The following ADAMTS6 variants were observed in gnomAD, a reference collection of about 807,000 sequenced individuals.
The protein encoded by ADAMTS6 is ADAM metallopeptidase with thrombospondin type 1 motif 6, also known as A disintegrin and metalloproteinase with thrombospondin motifs 6.
Under a neutral mutation model 144.3 loss-of-function variants are expected in ADAMTS6, and 23 were observed. The ratio of observed to expected loss-of-function variants is 0.16; its 90% confidence interval spans 0.11 to 0.23. The LOEUF is 0.23. ADAMTS6 is among the 10% of genes least tolerant of loss of function. ADAMTS6 has a pLI of 1.00. For missense variants in ADAMTS6, 999 were observed against 1,379.6 expected (o/e 0.72, Z 4.37); for synonymous variants, 444 against 457.5 (o/e 0.97, Z 0.38).
At chr5:65,372,552 GCTAA>G (rs1352011047) in intron 7 of ADAMTS6, among the ~76,000 whole-genome samples, 1 of 151,848 alleles carries the variant, frequency 6.6e-6, no homozygotes, top group African/African-American at 2.4e-5. Flanking sequence ...AACAAGAAGA[GCTAA>G]CTATCCTAAA....
chr5:65,291,064 A>T (rs1742254510), intron 11 of ADAMTS6, among the ~76,000 whole-genome samples: 1 of 152,234 alleles, frequency 6.6e-6, no homozygotes. Flanking sequence ...CATAAATTCA[A>T]GATTTAAAGA....
At chr5:65,371,479 A>C (rs1430447228) in intron 7 of ADAMTS6, among the ~76,000 whole-genome samples, 2 of 152,170 alleles carry the variant, frequency 1.3e-5, no homozygotes, top group African/African-American at 4.8e-5. Context: ...AGAATGCAGA[A>C]GCCTCAGGAG....
intron 7 of ADAMTS6, among the ~76,000 whole-genome samples, chr5:65,361,293 T>C (rs1374076584): frequency 6.6e-6 from 1 of 152,210 alleles, no homozygotes; most frequent in Admixed American, 6.5e-5. Context: ...AAAATTCCAC[T>C]TTATAAGATG....
At chr5:65,384,175 C>T (rs1049479333) in intron 7 of ADAMTS6, among the ~76,000 whole-genome samples, 9 of 152,218 alleles carry the variant, frequency 5.9e-5, no homozygotes, top group Non-Finnish European at 8.8e-5. Flanking sequence ...CCTTATCAAA[C>T]GTTTGATGGG....
At chr5:65,381,699 A>G (rs16893757) in intron 7 of ADAMTS6, among the ~76,000 whole-genome samples, 8,804 of 151,876 alleles carry the variant, frequency 0.058, 336 homozygotes, top group East Asian at 0.11. Flanking sequence ...GGATTATACC[A>G]TTTTTGTTGC....
chr5:65,235,380 AG>A (rs1758587518), intron 15 of ADAMTS6, among the ~76,000 whole-genome samples: 1 of 152,186 alleles, frequency 6.6e-6, no homozygotes, highest in Non-Finnish European at 1.5e-5. Flanking sequence ...GGGGAAAGAA[AG>A]GTAAGGCTGT....
chr5:65,323,135 C>CT (rs1706705981), intron 9 of ADAMTS6, among the ~76,000 whole-genome samples: 1 of 151,936 alleles, frequency 6.6e-6, no homozygotes, highest in South Asian at 2.1e-4. Context: ...TGTTATTATA[C>CT]TTTAAGTTTT....
chr5:65,290,232 A>G (rs559776098), intron 11 of ADAMTS6, among the ~76,000 whole-genome samples: 47 of 152,332 alleles, frequency 3.1e-4, no homozygotes, highest in African/African-American at 1.1e-3. Flanking sequence ...TTTCTAAAAG[A>G]GGATTTAAAA....
At chr5:65,453,001 C>A (rs949950822) in intron 4 of ADAMTS6, 83 bp from the exon 5 acceptor site, 68 of 1,032,762 alleles carry the variant, frequency 6.6e-5, no homozygotes, top group Admixed American at 8.0e-5. Context: ...ATGCTTCTCA[C>A]AAATTCTCTA....
In ADAMTS6 at chr5:65,151,185, T is replaced by A. The variant is rs928142696; in HGVS notation, c.*651A>T. On this transcript the variant is annotated 3_prime_UTR_variant, in exon 25 of 25. Transcript: ENST00000381055. ...TGCCCCTCATTATTGTTCAGTTTAATATAGTTTTATATATGGCTCACAGCA... is the reference window on the plus strand; with the variant it reads ...TGCCCCTCATTATTGTTCAGTTTAAAATAGTTTTATATATGGCTCACAGCA... The A allele has an allele frequency of 6.6e-6, 1 of 152,664 alleles. No homozygotes were observed. The highest frequency in any genetic ancestry group is 2.4e-5 in the African/African-American group (1 of 41,454). The allele number at this position is 152,664 out of a possible 1,614,324, so 9.5% of individuals were successfully genotyped here.
chr5:65,438,531 A>G (rs1757625662), intron 7 of ADAMTS6, among the ~76,000 whole-genome samples: 1 of 152,192 alleles, frequency 6.6e-6, no homozygotes. Flanking sequence ...CATCTTATAC[A>G]TACATACATA....
intron 18 of ADAMTS6, among the ~76,000 whole-genome samples, chr5:65,220,698 G>T (rs543582317): frequency 4.6e-5 from 7 of 152,172 alleles, no homozygotes. Flanking sequence ...AGTGAGCCGA[G>T]ATTGCGCCAC....
intron 7 of ADAMTS6, among the ~76,000 whole-genome samples, chr5:65,405,245 C>T (rs1445127272): frequency 6.6e-6 from 1 of 152,140 alleles, no homozygotes; most frequent in Non-Finnish European, 1.5e-5. Context: ...AATGGTACTG[C>T]CTAGGTTTTC....
intron 19 of ADAMTS6, 129 bp from the exon 20 acceptor site, chr5:65,215,061 T>C: frequency 1.6e-6 from 2 of 1,239,792 alleles, no homozygotes; most frequent in Admixed American, 2.7e-5. Context: ...AACACATGCA[T>C]TTATATCAAA....
intron 7 of ADAMTS6, among the ~76,000 whole-genome samples, chr5:65,416,403 A>G (rs1045874538): frequency 6.6e-6 from 1 of 152,234 alleles, no homozygotes; most frequent in South Asian, 2.1e-4. Context: ...AAGGTTAAAC[A>G]TAGAATCACC....
At chr5:65,256,985 CTTTT>C (rs545846781) in intron 14 of ADAMTS6, among the ~76,000 whole-genome samples, 3 of 88,672 alleles carry the variant, frequency 3.4e-5, no homozygotes, top group East Asian at 3.3e-4. Context: ...CTCTCTCTCT[CTTTT>C]TTTTTTTTTT....
At chr5:65,445,740 C>G (rs1264406255) in intron 7 of ADAMTS6, among the ~76,000 whole-genome samples, 1 of 152,062 alleles carries the variant, frequency 6.6e-6, no homozygotes, top group Non-Finnish European at 1.5e-5. Context: ...TCAAGATAAA[C>G]ACTTCTGAGT....
intron 7 of ADAMTS6, among the ~76,000 whole-genome samples, chr5:65,396,038 C>T (rs567118990): frequency 5.3e-5 from 8 of 152,258 alleles, no homozygotes; most frequent in African/African-American, 1.9e-4. Context: ...TAACATGGCA[C>T]TTCAGTTCTT....
At chr5:65,287,466 G>A (rs1580300693) in intron 11 of ADAMTS6, among the ~76,000 whole-genome samples, 1 of 151,972 alleles carries the variant, frequency 6.6e-6, no homozygotes, top group South Asian at 2.1e-4. Context: ...TTACTTTGGA[G>A]TAGGTATATC....
Sources: gnomAD v4.1 joint callset for allele counts (sites outside exome capture counted in the v4.1 genomes callset) on GRCh38, gnomAD v4.1.1 for gene constraint, MANE v1.5 for transcripts, NCBI Gene and HGNC (gene_info 2026-07-23, HGNC 2026-07-21) for gene names.